The following DAB2IP variants were observed in gnomAD, a reference collection of about 807,000 sequenced individuals.
DAB2IP encodes disabled homolog 2-interacting protein.
DAB2IP carries 28 observed loss-of-function variants against 107.2 expected under a neutral mutation model. The ratio of observed to expected loss-of-function variants is 0.26; its 90% CI spans 0.19 to 0.36. The LOEUF is 0.36. Among genes scored for constraint, DAB2IP ranks in the 10% least tolerant of loss-of-function variants. DAB2IP has a pLI of 1.00. For synonymous variants in DAB2IP, 755 were observed against 706.4 expected (o/e 1.07, Z -1.09); for missense variants, 1,400 against 1,644.7 (o/e 0.85, Z 2.57).
chr9:121,650,582 T>G (rs1338068818), upstream of DAB2IP, among the ~76,000 whole-genome samples: 2 of 152,208 alleles, frequency 1.3e-5, no homozygotes, highest in African/African-American at 4.8e-5. Context: ...CCACTTTCCA[T>G]GTGACTGAGG....
In DAB2IP at chr9:121,756,882, C is replaced by A. The variant is rs575453426; in HGVS notation, c.363-131C>A. The A allele has an allele frequency of 1.1e-4, 137 of 1,271,088 alleles. 1 individual carries two copies. Among genetic ancestry groups the A allele is most frequent in the Non-Finnish European group, 1.4e-4 (129 of 890,696 alleles). The allele number at this position is 1,271,088 out of a possible 1,614,324, so 78.7% of individuals were successfully genotyped here. Reference sequence around the variant, plus strand: ...CCCTGCCCCCAGATCTGTCTTAAGACAGAAAGGAGAGAGAGTGGAGAGGAG... The same window carrying A: ...CCCTGCCCCCAGATCTGTCTTAAGAAAGAAAGGAGAGAGAGTGGAGAGGAG... On this transcript the variant is annotated intron_variant, in intron 3 of 15. Coordinates refer to ENST00000408936, the Ensembl canonical transcript of DAB2IP.
intron 1 of DAB2IP, among the ~76,000 whole-genome samples, chr9:121,600,061 G>C (rs1830640673): frequency 6.6e-6 from 1 of 151,978 alleles, no homozygotes; most frequent in South Asian, 2.1e-4. Context: ...ACAATACAGG[G>C]GATCGCGAGG....
intron 1 of DAB2IP, among the ~76,000 whole-genome samples, chr9:121,605,134 C>T (rs761645868): frequency 5.0e-4 from 76 of 152,164 alleles, no homozygotes; most frequent in Non-Finnish European, 7.5e-4. Flanking sequence ...ATCCTCCCAC[C>T]TCAGCCTCCC....
intron 2 of DAB2IP, among the ~76,000 whole-genome samples, chr9:121,690,347 A>T (rs953346877): frequency 6.6e-6 from 1 of 152,020 alleles, no homozygotes; most frequent in Non-Finnish European, 1.5e-5. Flanking sequence ...GCAGGCGGAG[A>T]TAGTATAGAC....
rs1043329981 is a variant in DAB2IP, at chr9:121,662,842, T to A, written c.124+10943T>A. ...TATGGACACCCTGAGACCTCCTTAG[T>A]TTCCTGAACTCCAGCAGCACAGAGT... is the stretch of plus-strand genomic sequence containing the variant. On this transcript the variant is annotated intron_variant, in intron 1 of 15. Coordinates refer to ENST00000408936, the Ensembl canonical transcript of DAB2IP. This position sits in a 1 kb window ranked among gnomAD's most constrained non-coding sequence, Gnocchi z 4.6. 6.6e-6 allele frequency among the ~76,000 whole-genome samples: 1 copy of A among 152,306 alleles called. No individual in the cohort carries two copies. Among genetic ancestry groups the A allele is most frequent in the Admixed American group, 6.5e-5 (1 of 15,294 alleles).
At chr9:121,711,034 G>A (rs1830314645) in intron 3 of DAB2IP, among the ~76,000 whole-genome samples, 1 of 152,198 alleles carries the variant, frequency 6.6e-6, no homozygotes, top group South Asian at 2.1e-4. Flanking sequence ...TGAGGATAGT[G>A]AAAACCTATT....
intron 1 of DAB2IP, among the ~76,000 whole-genome samples, chr9:121,654,788 G>A (rs1832908089): frequency 6.6e-6 from 1 of 152,202 alleles, no homozygotes; most frequent in African/African-American, 2.4e-5. Context: ...TCAGAGGAGT[G>A]GGTGGTGCCT....
intron 2 of DAB2IP, among the ~76,000 whole-genome samples, chr9:121,680,638 ATGACT>A (rs1828537274): frequency 6.6e-6 from 1 of 152,104 alleles, no homozygotes; most frequent in African/African-American, 2.4e-5. Context: ...CTAGGGAACG[ATGACT>A]AATAATAATT....
At chr9:121,740,118 G>T (rs1456191652) in intron 3 of DAB2IP, among the ~76,000 whole-genome samples, 1 of 152,184 alleles carries the variant, frequency 6.6e-6, no homozygotes, top group Admixed American at 6.5e-5. Context: ...AGAAGTGCGT[G>T]AGGACCCAGC....
At chr9:121,655,702 G>C (rs552850152) in intron 1 of DAB2IP, among the ~76,000 whole-genome samples, 5 of 152,270 alleles carry the variant, frequency 3.3e-5, no homozygotes, top group African/African-American at 1.2e-4. Flanking sequence ...TTGCTCTCCT[G>C]CCTCTTGGAA....
At chr9:121,641,711 C>T (rs930418470) in intron 1 of DAB2IP, among the ~76,000 whole-genome samples, 16 of 152,200 alleles carry the variant, frequency 1.1e-4, no homozygotes, top group East Asian at 1.9e-4. Context: ...GCCTGCCATC[C>T]ATGTGTCACA....
chr9:121,679,378 G>A (rs12350358), intron 2 of DAB2IP, among the ~76,000 whole-genome samples: 26,726 of 149,356 alleles, frequency 0.18, 3,811 homozygotes, highest in African/African-American at 0.39. Context: ...GACCCTTAAC[G>A]TCTGACTGTT....
At chr9:121,712,567 A>G (rs1412546899) in intron 3 of DAB2IP, among the ~76,000 whole-genome samples, 1 of 152,060 alleles carries the variant, frequency 6.6e-6, no homozygotes, top group Admixed American at 6.5e-5. Context: ...ATGGTGTTTC[A>G]TTGACGTGAA....
intron 4 of DAB2IP, among the ~76,000 whole-genome samples, chr9:121,757,830 G>A (rs1833600471): frequency 6.6e-6 from 1 of 152,218 alleles, no homozygotes; most frequent in African/African-American, 2.4e-5. Context: ...CAGTTTCTGG[G>A]AAGATTCCTA....
At chr9:121,617,598 T>G (rs1327669553) in intron 1 of DAB2IP, among the ~76,000 whole-genome samples, 3 of 152,246 alleles carry the variant, frequency 2.0e-5, no homozygotes, top group Non-Finnish European at 2.9e-5. Flanking sequence ...AGAGGCAGCC[T>G]GTCCTTTGTC....
In DAB2IP at chr9:121,782,200, G is replaced by A. The variant is rs1564237933; in HGVS notation, c.3403-131G>A. 1 of 1,429,252 alleles carries A rather than the reference G, an allele frequency of 7.0e-7. No homozygotes were observed. Among genetic ancestry groups the A allele is most frequent in the African/African-American group, 1.4e-5 (1 of 69,758 alleles). The allele number at this position is 1,429,252 out of a possible 1,614,324, so 88.5% of individuals were successfully genotyped here. A position where few individuals can be genotyped will look rare whatever the true frequency, so the allele number is the denominator to read the frequency against. ...GGCCTCTGCCTACCTTCTCTTGCCA[G>A]CTGCTCACAGCCCGGAGCCTGCCTG... On this transcript the variant is annotated intron_variant, in intron 15 of 15. Transcript: ENST00000408936. This position sits in a 1 kb window ranked among gnomAD's most constrained non-coding sequence, Gnocchi z 6.1.
chr9:121,572,779 CA>C (rs749033818), intron 1 of DAB2IP, among the ~76,000 whole-genome samples: 482 of 152,050 alleles, frequency 3.2e-3, no homozygotes, highest in Middle Eastern at 6.8e-3. Context: ...GTGACTCGTA[CA>C]GGAGCGGGGG....
intron 3 of DAB2IP, among the ~76,000 whole-genome samples, chr9:121,711,868 T>G (rs1323445701): frequency 2.0e-5 from 3 of 152,112 alleles, no homozygotes; most frequent in Admixed American, 2.0e-4. Flanking sequence ...TTCCCCTTTT[T>G]GCAGGCTGGG....
chr9:121,771,879 A>C (rs1587999606), intron 11 of DAB2IP, among the ~76,000 whole-genome samples: 6 of 133,968 alleles, frequency 4.5e-5, no homozygotes, highest in South Asian at 2.5e-4. Context: ...AGTTCCCCCC[A>C]CCCACATTCT....
Sources: allele counts gnomAD v4.1 joint callset (sites outside exome capture counted in the v4.1 genomes callset), GRCh38; gene constraint gnomAD v4.1.1; non-coding constraint Gnocchi (gnomAD v3.1); transcripts MANE v1.5; gene names NCBI Gene and HGNC (gene_info 2026-07-23, HGNC 2026-07-21).